The following CETN2 variants were observed in gnomAD, a reference collection of about 807,000 sequenced individuals.
The protein encoded by CETN2 is centrin 2.
CETN2 carries 2 observed loss-of-function variants against 12.6 expected under a neutral mutation model. The ratio of observed to expected loss-of-function variants is 0.16; its 90% CI spans 0.07 to 0.50. The LOEUF is 0.50. CETN2 is among the 20% of genes least tolerant of loss of function. The probability of loss-of-function intolerance (pLI) is 0.96; values close to 1 mark genes in which losing one functional copy is unlikely to be tolerated. For missense variants in CETN2, 81 were observed against 128.3 expected (o/e 0.63, Z 1.78); for synonymous variants, 41 against 43.4 (o/e 0.94, Z 0.22).
intron 1 of CETN2, 35 bp from the exon 2 acceptor site, chrX:152,829,795 A>G: frequency 3.7e-6 from 4 of 1,086,748 alleles, no homozygotes; most frequent in Non-Finnish European, 5.0e-6. Flanking sequence ...GCACAATAAT[A>G]TATCATACAG....
chrX:152,830,399 C>G (rs868911815), intron 1 of CETN2, among the ~76,000 whole-genome samples: 2 of 113,233 alleles, frequency 1.8e-5, no homozygotes, highest in African/African-American at 3.2e-5. Context: ...GGGCCAAGGT[C>G]TGAGAGAGTC....
chrX:152,829,324 G>A, intron 2 of CETN2, 47 bp from the exon 3 acceptor site: 1 of 1,145,205 alleles, frequency 8.7e-7, no homozygotes, highest in Non-Finnish European at 1.2e-6. Flanking sequence ...TAAAGTAGCA[G>A]GAGCAAAAAT....
chrX:152,828,583 C>T lies in CETN2; in HGVS notation c.383G>A (p.Arg128His). The T allele has an allele frequency of 1.7e-6, 2 of 1,211,317 alleles. No individual in the cohort carries two copies. The highest frequency in any genetic ancestry group is 2.2e-6 in the Non-Finnish European group (2 of 895,145). ...TGKISFKNLK[R>H]VAKELGENLT... ...GTTCTCACCCAACTCCTTGGCCACG[C>T]GTTTCAGATTTTTGAACGAAATCTT... Residue 128 changes from arginine to histidine, a missense_variant, in exon 4 of 5, where the codon CGC becomes CAC. Arg to His is a conservative substitution (Grantham distance 29, BLOSUM62 0). Transcript: ENST00000370277.
At chrX:152,828,927 G>C in intron 3 of CETN2, 1 of 447,690 alleles carries the variant, frequency 2.2e-6, no homozygotes, top group Non-Finnish European at 3.8e-6. Context: ...TTTCCTAACT[G>C]ATTTGGAATT....
chrX:152,827,707 C>A lies in CETN2; in HGVS notation c.*134G>T. ...AACACTTCCAAACGGCTAAAATAGG[C>A]TCAAGGTCACTATTAAAGTGATAAA... On this transcript the variant is annotated 3_prime_UTR_variant, in exon 5 of 5. Transcript: ENST00000370277. The A allele has an allele frequency of 2.0e-6, 1 of 506,275 alleles. No individual in the cohort carries two copies. Among genetic ancestry groups the A allele is most frequent in the African/African-American group, 2.3e-5 (1 of 43,258 alleles). 41.7% of individuals were successfully genotyped at this position (506,275 alleles called of 1,213,427 possible). A position where few individuals can be genotyped will look rare whatever the true frequency, so the allele number is the denominator to read the frequency against.
Position 152,829,616 on chromosome X carries a change from C to T in CETN2, c.148G>A (p.Val50Ile), listed in dbSNP as rs782530915. ...FDADGTGTID[V>I]KELKVAMRAL... Reference sequence around the variant, plus strand: ...ACAGAGCTTGCCTTCAGTTCTTTAACATCTATGGTGCCAGTTCCATCCGCA... The same window carrying T: ...ACAGAGCTTGCCTTCAGTTCTTTAATATCTATGGTGCCAGTTCCATCCGCA... The change falls in exon 2 of 5, where the codon GTT becomes ATT. Residue 50 changes from valine to isoleucine, a missense_variant. Transcript: ENST00000370277. 44 of 1,189,312 alleles carry T rather than the reference C, an allele frequency of 3.7e-5. No homozygotes were observed. Among genetic ancestry groups the T allele is most frequent in the Non-Finnish European group, 5.0e-5 (44 of 882,709 alleles).
intron 2 of CETN2, 73 bp from the exon 3 acceptor site, chrX:152,829,350 A>G: frequency 9.2e-7 from 1 of 1,081,903 alleles, no homozygotes; most frequent in Non-Finnish European, 1.2e-6. Context: ...TGTTGAGAGC[A>G]TTAAGCCAGC....
intron 1 of CETN2, 80 bp from the exon 2 acceptor site, chrX:152,829,840 A>G: frequency 2.4e-6 from 2 of 818,900 alleles, no homozygotes; most frequent in Non-Finnish European, 3.3e-6. Context: ...AGACACCCAT[A>G]TGTATTTTTA....
Position 152,829,318 on chromosome X carries a change from G to C in CETN2, c.163-41C>G, listed in dbSNP as rs150452663. On this transcript the variant is annotated intron_variant, in intron 2 of 4. Coordinates refer to ENST00000370277, the MANE Select transcript of CETN2 (RefSeq NM_004344.3). ...GATCGTCTCAATAAGCACATCTAAA[G>C]TAGCAGGAGCAAAAATAACAGTGTT... 1,991 of 1,148,965 alleles carry C rather than the reference G, an allele frequency of 1.7e-3. 20 individuals carry two copies. The African/African-American group carries it at 0.032, about 18-fold the overall frequency. The allele number at this position is 1,148,965 out of a possible 1,213,427, so 94.7% of individuals were successfully genotyped here. A position where few individuals can be genotyped will look rare whatever the true frequency, so the allele number is the denominator to read the frequency against.
chrX:152,830,182 G>A (rs1932990684), intron 1 of CETN2, among the ~76,000 whole-genome samples: 1 of 112,908 alleles, frequency 8.9e-6, no homozygotes, highest in Non-Finnish European at 1.9e-5. Context: ...TTCTAGATTT[G>A]GCCAAATATT....
chrX:152,830,609 T>C, intron 1 of CETN2, 99 bp downstream of exon 1: 2 of 1,036,935 alleles, frequency 1.9e-6, no homozygotes, highest in Non-Finnish European at 2.6e-6. Context: ...ACTGGTGCGC[T>C]AAAGCCGAGA....
In CETN2 at chrX:152,827,548, G is replaced by A; in HGVS notation, c.*293C>T. 8.8e-6 allele frequency: 2 copies of A among 228,152 alleles called. No homozygotes were observed. Among genetic ancestry groups the A allele is most frequent in the Non-Finnish European group, 1.6e-5 (2 of 125,361 alleles). 18.8% of individuals were successfully genotyped at this position (228,152 alleles called of 1,213,427 possible). On this transcript the variant is annotated 3_prime_UTR_variant, in exon 5 of 5. Coordinates refer to ENST00000370277, the MANE Select transcript of CETN2 (RefSeq NM_004344.3). ...GTGGATATGTGGAAATGCATGACGA[G>A]GGAAACGATGCAAGGCAAAATGGCA...
At chrX:152,829,511 G>A (rs1602914930) in intron 2 of CETN2, 91 bp downstream of exon 2, 3 of 1,030,773 alleles carry the variant, frequency 2.9e-6, no homozygotes, top group East Asian at 6.2e-5. Context: ...GCAGGGAGAA[G>A]AGGGCAAAAG....
At position 152,827,525 on chromosome X, in the gene CETN2, G is replaced by T; in HGVS notation, c.*316C>A. 5.1e-6 allele frequency: 1 copy of T among 197,030 alleles called. No homozygotes were observed. Among genetic ancestry groups the T allele is most frequent in the Non-Finnish European group, 9.4e-6 (1 of 105,881 alleles). The allele number at this position is 197,030 out of a possible 1,213,427, so 16.2% of individuals were successfully genotyped here. A position where few individuals can be genotyped will look rare whatever the true frequency, so the allele number is the denominator to read the frequency against. On this transcript the variant is annotated 3_prime_UTR_variant, in exon 5 of 5. Transcript: ENST00000370277. ...TTGTCTAAAGTCGTTCTGTGTTTGT[G>T]GATATGTGGAAATGCATGACGAGGG...
In CETN2 at chrX:152,827,272, T is replaced by C. The variant is rs1556842725; in HGVS notation, c.*569A>G. The C allele has an allele frequency of 3.6e-5, 4 of 112,556 alleles. No individual in the cohort carries two copies. Among genetic ancestry groups the C allele is most frequent in the African/African-American group, 9.7e-5 (3 of 30,915 alleles). 9.3% of individuals were successfully genotyped at this position (112,556 alleles called of 1,213,427 possible). A position where few individuals can be genotyped will look rare whatever the true frequency, so the allele number is the denominator to read the frequency against. On this transcript the variant is annotated 3_prime_UTR_variant, in exon 5 of 5. Coordinates refer to ENST00000370277, the MANE Select transcript of CETN2 (RefSeq NM_004344.3). ...TAATAGGCTGCCTTCAACACAATAATTGAGAAGAGGAACTCATAAGCAAAG... is the reference window on the plus strand; with the variant it reads ...TAATAGGCTGCCTTCAACACAATAACTGAGAAGAGGAACTCATAAGCAAAG...
rs782787803 is a variant in CETN2 at position 152,829,231 on chromosome X, T to C, written c.209A>G (p.Lys70Arg). The C allele has an allele frequency of 1.2e-5, 14 of 1,203,389 alleles. No homozygotes were observed. Among genetic ancestry groups the C allele is most frequent in the Non-Finnish European group, 1.5e-5 (13 of 893,044 alleles). Residue 70 changes from lysine to arginine, a missense_variant, in exon 3 of 5, where the codon AAG (lysine) becomes AGG (arginine). By Grantham distance (26) the Lys-to-Arg change is conservative. Coordinates refer to ENST00000370277, the MANE Select transcript of CETN2 (RefSeq NM_004344.3). The part of the protein sequence containing the change: ...LGFEPKKEEI[K>R]KMISEIDKEG... ...CTTATCAATTTCACTTATCATTTTC[T>C]TAATTTCTTCTTTCTTGGGTTCAAA...
chrX:152,829,490 T>G (rs1932981864), intron 2 of CETN2, 112 bp downstream of exon 2: 1 of 936,376 alleles, frequency 1.1e-6, no homozygotes, highest in South Asian at 2.5e-5. Context: ...CAACCTCCCC[T>G]GTTACTTACT....
chrX:152,827,935 A>G lies in CETN2; in HGVS notation c.430-5T>C. On this transcript the variant is annotated splice_region_variant and splice_polypyrimidine_tract_variant and intron_variant, in intron 4 of 4. Coordinates refer to ENST00000370277, the MANE Select transcript of CETN2 (RefSeq NM_004344.3). ...ATCAGCTTCATCAATCATTTCCTAT[A>G]TGACAGTAAAGATTCAGGTTAATTT... 8.4e-7 allele frequency: 1 copy of G among 1,191,133 alleles called. No individual in the cohort carries two copies. Among genetic ancestry groups the G allele is most frequent in the Non-Finnish European group, 1.1e-6 (1 of 878,771 alleles).
chrX:152,828,023 A>G (rs1932968643), intron 4 of CETN2, 93 bp from the exon 5 acceptor site: 13 of 682,761 alleles, frequency 1.9e-5, no homozygotes, highest in Admixed American at 5.5e-5. Flanking sequence ...TGGGGTCTCT[A>G]TGCTGCCCAC....
Sources: gnomAD v4.1 joint callset for allele counts (sites outside exome capture counted in the v4.1 genomes callset) on GRCh38, gnomAD v4.1.1 for gene constraint, MANE v1.5 for transcripts, NCBI Gene and HGNC (gene_info 2026-07-23, HGNC 2026-07-21) for gene names.